The following ARID3B variants were observed in gnomAD, a reference collection of about 807,000 sequenced individuals.
ARID3B encodes the protein AT-rich interaction domain 3B.
In ARID3B, 10 loss-of-function variants were observed where a neutral mutation model predicts 51.9. The observed-to-expected ratio is 0.19, with a 90% CI of 0.12 to 0.33. The LOEUF is 0.33. Among genes scored for constraint, ARID3B ranks in the 10% least tolerant of loss-of-function variants. ARID3B has a pLI of 1.00. For missense variants in ARID3B, 483 were observed against 716.3 expected (o/e 0.67, Z 3.72); for synonymous variants, 205 against 279.5 (o/e 0.73, Z 2.66).
chr15:74,548,614 T>C (rs2061624422), intron 2 of ARID3B, among the ~76,000 whole-genome samples: 1 of 152,246 alleles, frequency 6.6e-6, no homozygotes, highest in African/African-American at 2.4e-5. Context: ...ATATTTGCAA[T>C]TAAAGAATTC....
intron 4 of ARID3B, among the ~76,000 whole-genome samples, chr15:74,582,807 C>T (rs759979757): frequency 9.2e-5 from 14 of 152,026 alleles, no homozygotes; most frequent in Non-Finnish European, 1.8e-4. Flanking sequence ...TTCATTATAG[C>T]CAAAAACTGG....
At chr15:74,586,045 T>G (rs796300826) in intron 4 of ARID3B, among the ~76,000 whole-genome samples, 4 of 152,354 alleles carry the variant, frequency 2.6e-5, no homozygotes, top group African/African-American at 9.6e-5. Flanking sequence ...CCCAATCTCC[T>G]TATCAGCTTG....
At chr15:74,567,936 T>A (rs544582965) in intron 2 of ARID3B, among the ~76,000 whole-genome samples, 18 of 152,232 alleles carry the variant, frequency 1.2e-4, no homozygotes, top group Non-Finnish European at 1.5e-5. Context: ...AGACCTTGAT[T>A]CATTATTTTT....
chr15:74,579,828 C>CGTGTGTGTGTGTGTGTGT lies in ARID3B; in HGVS notation c.697+6652_697+6669dup, dbSNP rs374538596. Among the ~76,000 whole-genome samples, 8 of 137,766 alleles carry CGTGTGTGTGTGTGTGTGT rather than the reference C, an allele frequency of 5.8e-5. No homozygotes were observed. The East Asian group carries it at 6.3e-4, about 11-fold the overall frequency. The allele number at this position is 137,766 out of a possible 152,430, so 90.4% of individuals were successfully genotyped here. A position where few individuals can be genotyped will look rare whatever the true frequency, so the allele number is the denominator to read the frequency against. Reference sequence around the variant, plus strand: ...ATGCCCCTTTGGGCTCACCTGTTGCCGTGTGTGTGTGTGTGTGTGTGTGTG... The same window carrying CGTGTGTGTGTGTGTGTGT: ...ATGCCCCTTTGGGCTCACCTGTTGCCGTGTGTGTGTGTGTGTGTGTGTGTGTGTGTGTGTGTGTGTGTG... On this transcript the variant is annotated intron_variant, in intron 4 of 8. Coordinates refer to ENST00000346246, the MANE Select transcript of ARID3B (RefSeq NM_006465.4).
chr15:74,547,201 C>T (rs2061619302), intron 2 of ARID3B, among the ~76,000 whole-genome samples: 1 of 151,640 alleles, frequency 6.6e-6, no homozygotes, highest in Admixed American at 6.6e-5. Flanking sequence ...CTCTGTTGCC[C>T]AGGCTGGAGT....
At chr15:74,560,288 T>C (rs1019786909) in intron 2 of ARID3B, among the ~76,000 whole-genome samples, 3 of 152,062 alleles carry the variant, frequency 2.0e-5, no homozygotes, top group African/African-American at 4.8e-5. Context: ...TACTTTAAAA[T>C]ATTTTAGTTT....
At chr15:74,575,847 GA>G (rs765200794) in intron 4 of ARID3B, among the ~76,000 whole-genome samples, 7 of 152,204 alleles carry the variant, frequency 4.6e-5, no homozygotes, top group Non-Finnish European at 1.0e-4. Flanking sequence ...CAGCACTGTT[GA>G]CTTTGGGATG....
intron 2 of ARID3B, among the ~76,000 whole-genome samples, chr15:74,562,198 A>G (rs1348909588): frequency 6.6e-6 from 1 of 151,812 alleles, no homozygotes; most frequent in Non-Finnish European, 1.5e-5. Context: ...CTGGAGTGCA[A>G]TAGCACGATC....
chr15:74,559,128 T>C (rs2061669844), intron 2 of ARID3B, among the ~76,000 whole-genome samples: 2 of 152,144 alleles, frequency 1.3e-5, no homozygotes, highest in African/African-American at 4.8e-5. Context: ...CTCCCTTCTC[T>C]TGGGGTTGAT....
intron 4 of ARID3B, among the ~76,000 whole-genome samples, chr15:74,584,804 G>A (rs2061774212): frequency 6.6e-6 from 1 of 152,220 alleles, no homozygotes; most frequent in South Asian, 2.1e-4. Context: ...GCTGTGGCCT[G>A]CTAGTGCCAG....
At chr15:74,568,618 C>T (rs985113293) in intron 2 of ARID3B, among the ~76,000 whole-genome samples, 7 of 152,172 alleles carry the variant, frequency 4.6e-5, no homozygotes, top group African/African-American at 1.4e-4. Flanking sequence ...TTTTCTCTTT[C>T]CCCCAACCTT....
chr15:74,591,652 G>A lies in ARID3B; in HGVS notation c.1258G>A (p.Ala420Thr), dbSNP rs139972092. Residue 420 changes from alanine (A) to threonine (T), a missense_variant, in exon 7 of 9, where the codon GCA (alanine) becomes ACA (threonine). By Grantham distance (58) the Ala-to-Thr change is moderately conservative. Transcript: ENST00000346246. This position sits in a 1 kb window ranked among gnomAD's most constrained non-coding sequence, Gnocchi z 5.8. The part of the protein sequence containing the change: ...ASQQAGTRTA[A>T]LEQLRERLES... The stretch of plus-strand genomic sequence containing the variant: ...CCAGCAGGCTGGTACTCGGACCGCC[G>A]CACTGGAGCAGCTGCGGGAGCGGCT... 635 of 1,606,136 alleles carry A rather than the reference G, an allele frequency of 4.0e-4. 4 individuals carry two copies. Among genetic ancestry groups the A allele is most frequent in the South Asian group, 1.1e-3 (98 of 90,314 alleles).
rs2061831620 is a variant in ARID3B at position 74,597,356 on chromosome 15, G to A, written c.*1582G>A. ...GAGACACCGCGCGTGGCGTGGGTGTGTGTGGCAGCGTGGCTCGCATTCAGT... is the reference window on the plus strand; with the variant it reads ...GAGACACCGCGCGTGGCGTGGGTGTATGTGGCAGCGTGGCTCGCATTCAGT... On this transcript the variant is annotated 3_prime_UTR_variant, in exon 9 of 9. Coordinates refer to ENST00000346246, the MANE Select transcript of ARID3B (RefSeq NM_006465.4). 1 of 429,110 alleles carries A rather than the reference G, an allele frequency of 2.3e-6. No homozygotes were observed. The highest frequency in any genetic ancestry group is 2.2e-5 in the South Asian group (1 of 45,260). The allele number at this position is 429,110 out of a possible 1,614,324, so 26.6% of individuals were successfully genotyped here.
At chr15:74,548,237 C>T (rs2061623012) in intron 2 of ARID3B, among the ~76,000 whole-genome samples, 1 of 152,124 alleles carries the variant, frequency 6.6e-6, no homozygotes, top group Non-Finnish European at 1.5e-5. Flanking sequence ...TGGTGTTCTC[C>T]CCCTCTGGTA....
rs571406891 is a variant in ARID3B at position 74,594,316 on chromosome 15, C to T, written c.1519+1080C>T. ...ACAAAAAGTTAGCCAGGCGTGGGGG[C>T]GGGTGCCTGTAGTCCCAGCTACTCG... On this transcript the variant is annotated intron_variant, in intron 8 of 8. Coordinates refer to ENST00000346246, the MANE Select transcript of ARID3B (RefSeq NM_006465.4). 9.9e-5 allele frequency among the ~76,000 whole-genome samples: 15 copies of T among 151,750 alleles called. No homozygotes were observed. The South Asian group carries it at 2.9e-3, about 29-fold the overall frequency.
At chr15:74,557,143 G>A (rs1758687229) in intron 2 of ARID3B, among the ~76,000 whole-genome samples, 1 of 151,844 alleles carries the variant, frequency 6.6e-6, no homozygotes, top group Non-Finnish European at 1.5e-5. Flanking sequence ...GGCCAGGCAT[G>A]ATGGCTCATA....
chr15:74,558,295 A>G (rs2061667120), intron 2 of ARID3B, among the ~76,000 whole-genome samples: 1 of 142,666 alleles, frequency 7.0e-6, no homozygotes, highest in African/African-American at 2.6e-5. Context: ...TTATGTATTT[A>G]TATCATTCTC....
At chr15:74,581,499 G>A (rs1003648491) in intron 4 of ARID3B, among the ~76,000 whole-genome samples, 1 of 152,158 alleles carries the variant, frequency 6.6e-6, no homozygotes, top group Non-Finnish European at 1.5e-5. Context: ...TATAGGCTTT[G>A]GGGCTTCATT....
chr15:74,578,784 CT>C (rs1169874300), intron 4 of ARID3B, among the ~76,000 whole-genome samples: 1 of 152,070 alleles, frequency 6.6e-6, no homozygotes, highest in Admixed American at 6.6e-5. Context: ...GTCTCAGCTA[CT>C]TTGGAGGCTG....
Sources: allele counts gnomAD v4.1 joint callset (sites outside exome capture counted in the v4.1 genomes callset), GRCh38; gene constraint gnomAD v4.1.1; non-coding constraint Gnocchi (gnomAD v3.1); transcripts MANE v1.5; gene names NCBI Gene and HGNC (gene_info 2026-07-23, HGNC 2026-07-21).